EYS: variants seen among roughly 807,000 people sequenced by gnomAD.
EYS encodes the protein protein eyes shut homolog.
Under a neutral mutation model 282.1 loss-of-function variants are expected in EYS, and 250 were observed. The ratio of observed to expected loss-of-function variants is 0.89; its 90% CI spans 0.80 to 0.98. The LOEUF (loss-of-function observed/expected upper bound fraction) is 0.98, where lower values mean the gene tolerates loss of function less well. EYS is among the 50% of genes least tolerant of loss of function. The pLI is 0.00. For synonymous variants in EYS, 1,355 were observed against 1,282.9 expected (o/e 1.06, Z -1.20); for missense variants, 4,016 against 3,709.0 (o/e 1.08, Z -2.15).
At chr6:64,661,242 T>C (rs533611477) in intron 22 of EYS, among the ~76,000 whole-genome samples, 2 of 152,100 alleles carry the variant, frequency 1.3e-5, no homozygotes, top group African/African-American at 4.8e-5. Context: ...TAATTCAAGA[T>C]GGATTAGAGA....
chr6:64,941,018 TTATGA>T (rs1769071198), intron 15 of EYS, among the ~76,000 whole-genome samples: 1 of 152,110 alleles, frequency 6.6e-6, no homozygotes, highest in South Asian at 2.1e-4. Context: ...AAGGATTTAG[TTATGA>T]TATACTTGAT....
intron 40 of EYS, among the ~76,000 whole-genome samples, chr6:63,763,510 A>C: frequency 6.6e-6 from 1 of 151,916 alleles, no homozygotes; most frequent in Non-Finnish European, 1.5e-5. Context: ...TGTGGGAGGG[A>C]CCAGGTGGAG....
At position 64,838,082 on chromosome 6, in the gene EYS, G is replaced by A. The variant is rs536974019; in HGVS notation, c.2993-15260C>T. On this transcript the variant is annotated intron_variant, in intron 19 of 42. Transcript: ENST00000503581. ...TAAAATAATCACAGTGATTCTTACA[G>A]TAATGTTACTATTTCTGCTTCTTTT... Among the ~76,000 whole-genome samples the A allele has an allele frequency of 5.9e-5, 9 of 151,848 alleles. No individual in the cohort carries two copies. The South Asian group carries it at 1.7e-3, about 28-fold the overall frequency.
intron 35 of EYS, among the ~76,000 whole-genome samples, chr6:63,883,396 C>G (rs1773183542): frequency 6.6e-6 from 1 of 152,240 alleles, no homozygotes; most frequent in South Asian, 2.1e-4. Context: ...TCACCATAAA[C>G]AGCAAACCAT....
At chr6:65,195,091 T>A (rs2150242279) in intron 12 of EYS, among the ~76,000 whole-genome samples, 1 of 152,154 alleles carries the variant, frequency 6.6e-6, no homozygotes, top group South Asian at 2.1e-4. Flanking sequence ...GACTTTATGT[T>A]AGCTATAAGT....
rs770441243 is a variant in EYS, at chr6:65,402,488, A to C, written c.1174T>G (p.Tyr392Asp). The C allele has an allele frequency of 6.6e-7, 1 of 1,509,840 alleles. No homozygotes were observed. The highest frequency in any genetic ancestry group is 1.7e-5 in the Admixed American group (1 of 59,656). The allele number at this position is 1,509,840 out of a possible 1,614,324, so 93.5% of individuals were successfully genotyped here. The change falls in exon 7 of 43, where the codon TAT (tyrosine) becomes GAT (aspartate). Residue 392 changes from tyrosine to aspartate, a missense_variant. By Grantham distance (160) the Tyr-to-Asp change is radical. Transcript: ENST00000503581. Reference sequence around the variant, plus strand: ...GAAAATTAATTATACCTGCAAGGATAATCTTTCTCACATTTCTTACATGTA... The same window carrying C: ...GAAAATTAATTATACCTGCAAGGATCATCTTTCTCACATTTCTTACATGTA... The part of the protein sequence containing the change: ...NATCKKCEKD[Y>D]PCSCISGFTE...
chr6:64,107,164 C>T (rs1773043557), intron 31 of EYS, among the ~76,000 whole-genome samples: 1 of 149,656 alleles, frequency 6.7e-6, no homozygotes, highest in Non-Finnish European at 1.5e-5. Flanking sequence ...CCTGTTATAT[C>T]TGACTCTGGT....
At chr6:65,518,193 A>T (rs932583670) in intron 2 of EYS, among the ~76,000 whole-genome samples, 3 of 152,250 alleles carry the variant, frequency 2.0e-5, no homozygotes, top group South Asian at 4.1e-4. Context: ...TTCTGTTATC[A>T]GTGCCTGAGT....
At chr6:64,386,566 T>C (rs1772917845) in intron 29 of EYS, among the ~76,000 whole-genome samples, 1 of 152,072 alleles carries the variant, frequency 6.6e-6, no homozygotes, top group Non-Finnish European at 1.5e-5. Context: ...CAACTCAAGG[T>C]GAGATTTAGG....
At chr6:65,687,756 G>A (rs899019463) in intron 1 of EYS, among the ~76,000 whole-genome samples, 1 of 152,076 alleles carries the variant, frequency 6.6e-6, no homozygotes, top group Non-Finnish European at 1.5e-5. Flanking sequence ...AAATCAATGT[G>A]CAAAAATCAC....
chr6:64,531,536 G>A (rs529360495), intron 26 of EYS, among the ~76,000 whole-genome samples: 9 of 115,792 alleles, frequency 7.8e-5, no homozygotes, highest in Admixed American at 2.7e-4. Flanking sequence ...GCAAGTGCCC[G>A]CCACCACGCC....
At chr6:64,018,308 T>G (rs1241078574) in intron 33 of EYS, among the ~76,000 whole-genome samples, 2 of 152,216 alleles carry the variant, frequency 1.3e-5, no homozygotes, top group Non-Finnish European at 2.9e-5. Context: ...AACCTCAGAT[T>G]GGATTCATAA....
At chr6:65,441,389 C>T (rs1480884053) in intron 5 of EYS, among the ~76,000 whole-genome samples, 1 of 151,824 alleles carries the variant, frequency 6.6e-6, no homozygotes, top group Admixed American at 6.6e-5. Context: ...TGTTCATGAA[C>T]AGATTTTCCC....
intron 12 of EYS, among the ~76,000 whole-genome samples, chr6:65,100,980 A>G (rs940961810): frequency 2.0e-5 from 3 of 151,108 alleles, no homozygotes; most frequent in Non-Finnish European, 4.5e-5. Context: ...GAAGTACTGA[A>G]TTATTCCTCT....
intron 1 of EYS, among the ~76,000 whole-genome samples, chr6:65,640,386 A>G (rs1480537134): frequency 6.6e-6 from 1 of 151,190 alleles, no homozygotes; most frequent in Non-Finnish European, 1.5e-5. Flanking sequence ...GTATCTCTAA[A>G]TGAATTTCAA....
intron 28 of EYS, among the ~76,000 whole-genome samples, chr6:64,426,048 G>A (rs1471801401): frequency 1.3e-5 from 2 of 151,942 alleles, no homozygotes; most frequent in African/African-American, 4.8e-5. Flanking sequence ...GCTGGAACAG[G>A]CATAAAAAGA....
At chr6:64,767,747 G>A (rs1298860475) in intron 22 of EYS, among the ~76,000 whole-genome samples, 3 of 152,108 alleles carry the variant, frequency 2.0e-5, no homozygotes, top group Admixed American at 6.6e-5. Flanking sequence ...AATAAACATG[G>A]GGTACAGGTA....
chr6:65,145,735 C>T (rs1030021556), intron 12 of EYS, among the ~76,000 whole-genome samples: 2 of 151,954 alleles, frequency 1.3e-5, no homozygotes, highest in Non-Finnish European at 1.5e-5. Context: ...TTCATCATTG[C>T]TTCCTCGTTC....
intron 2 of EYS, among the ~76,000 whole-genome samples, chr6:65,534,636 A>G (rs1453624690): frequency 6.6e-6 from 1 of 152,102 alleles, no homozygotes; most frequent in Non-Finnish European, 1.5e-5. Flanking sequence ...AAGAAAGTCA[A>G]ATATGCACAC....
Sources: gnomAD v4.1 joint callset for allele counts (sites outside exome capture counted in the v4.1 genomes callset) on GRCh38, gnomAD v4.1.1 for gene constraint, MANE v1.5 for transcripts, NCBI Gene and HGNC (gene_info 2026-07-23, HGNC 2026-07-21) for gene names.